Variants in ABCA9 observed in about 807,000 individuals in gnomAD.
ABCA9 encodes the protein ATP-binding cassette sub-family A member 9.
A neutral mutation model predicts 205.3 loss-of-function variants in ABCA9; 183 were observed. The observed-to-expected ratio is 0.89, with a 90% CI of 0.79 to 1.01. The LOEUF (loss-of-function observed/expected upper bound fraction) is 1.01, where lower values mean the gene tolerates loss of function less well. Ranked by LOEUF, ABCA9 falls within the 50% of genes least tolerant of loss-of-function variation. The probability of loss-of-function intolerance (pLI) is 0.00; values close to 1 mark genes in which losing one functional copy is unlikely to be tolerated. For missense variants in ABCA9, 1,805 were observed against 1,912.4 expected (o/e 0.94, Z 1.05); for synonymous variants, 651 against 683.3 (o/e 0.95, Z 0.74).
intron 5 of ABCA9, among the ~76,000 whole-genome samples, 196 bp downstream of exon 5, chr17:69,044,301 C>T (rs144057353): frequency 7.9e-5 from 12 of 152,236 alleles, no homozygotes; most frequent in African/African-American, 2.6e-4. Flanking sequence ...ATACCAGTAT[C>T]CCTGGAGAAA....
In ABCA9 at chr17:69,012,290, T is replaced by A. The variant is rs115131476; in HGVS notation, c.3040-207A>T. ...CTGAACACGTAGCCTGATTTACTTA[T>A]GAAGAAGCAAATTCAACCAAGTGAT... is the stretch of plus-strand genomic sequence containing the variant. On this transcript the variant is annotated intron_variant, in intron 22 of 38. Coordinates refer to ENST00000340001, the MANE Select transcript of ABCA9 (RefSeq NM_080283.4). 1.6e-3 allele frequency: 729 copies of A among 462,812 alleles called. 6 individuals carry two copies. The highest frequency in any genetic ancestry group is 0.014 in the African/African-American group (679 of 50,100). 28.7% of individuals were successfully genotyped at this position (462,812 alleles called of 1,614,324 possible).
In ABCA9 at chr17:69,043,442, G is replaced by T. The variant is rs752333647; in HGVS notation, c.800+47C>A. 57 of 1,446,606 alleles carry T rather than the reference G, an allele frequency of 3.9e-5. No homozygotes were observed. In the South Asian group the frequency reaches 6.9e-4, roughly 17 times the overall value. 89.6% of individuals were successfully genotyped at this position (1,446,606 alleles called of 1,614,324 possible). ...GTCTAAGGAGTCAACCAGCTAAGTT[G>T]TTCTGTTTGTTTATGCTGTATAATG... On this transcript the variant is annotated intron_variant, in intron 6 of 38. Transcript: ENST00000340001.
intron 35 of ABCA9, 97 bp downstream of exon 35, chr17:68,983,959 T>G: frequency 6.2e-7 from 1 of 1,601,356 alleles, no homozygotes; most frequent in Non-Finnish European, 8.5e-7. Context: ...GAAGCAACCA[T>G]GCTAGCTCCT....
chr17:69,035,443 G>A lies in ABCA9; in HGVS notation c.943-12C>T. 6.4e-7 allele frequency: 1 copy of A among 1,557,772 alleles called. No individual in the cohort carries two copies. Among genetic ancestry groups the A allele is most frequent in the Non-Finnish European group, 8.6e-7 (1 of 1,158,054 alleles). ...AAAGCTAAAGTTATCTGAGAAAAGA[G>A]AAAGACTTCAGCTGGTATATAATTC... is the stretch of plus-strand genomic sequence containing the variant. On this transcript the variant is annotated splice_polypyrimidine_tract_variant and intron_variant, in intron 7 of 38. Coordinates refer to ENST00000340001, the MANE Select transcript of ABCA9 (RefSeq NM_080283.4).
In ABCA9 at chr17:68,988,342, C is replaced by CT. The variant is rs1286512825; in HGVS notation, c.4047+684_4047+685insA. On this transcript the variant is annotated intron_variant, in intron 31 of 38. Coordinates refer to ENST00000340001, the MANE Select transcript of ABCA9 (RefSeq NM_080283.4). ...TTGTTTTGCAATTTAGATAATTATC[C>CT]ATTTTTTTTTCATTAAATCTGATTT... Among the ~76,000 whole-genome samples, 311 of 152,174 alleles carry CT rather than the reference C, an allele frequency of 2.0e-3. 2 individuals carry two copies. The highest frequency in any genetic ancestry group is 6.8e-3 in the African/African-American group (282 of 41,508).
the ABCA9 span, among the ~76,000 whole-genome samples, chr17:69,075,718 A>G: frequency 6.6e-6 from 1 of 152,116 alleles, no homozygotes; most frequent in South Asian, 2.1e-4. Flanking sequence ...TGTTTCGGCC[A>G]TTCAGGCTTT....
rs1332912946 is a variant in ABCA9, at chr17:68,975,937, A to C, written c.4853T>G (p.Leu1618Arg). The C allele has an allele frequency of 1.9e-6, 3 of 1,613,170 alleles. No individual in the cohort carries two copies. The Admixed American group carries it at 5.0e-5, about 27-fold the overall frequency. The change falls in exon 39 of 39, where the codon CTC (leucine) becomes CGC (arginine). Residue 1618 changes from leucine to arginine, a missense_variant. By Grantham distance (102) the Leu-to-Arg change is moderately radical. Transcript: ENST00000340001. ...EDFDPSVKWKLLLQEEP is the reference protein window; with the variant it reads ...EDFDPSVKWKRLLQEEP ...GCTTTAAGGCTCTTCCTGCAGGAGG[A>C]GTTTCCACTTCACCGAGGGATCAAA...
intron 25 of ABCA9, among the ~76,000 whole-genome samples, chr17:69,002,466 G>A (rs1456476685): frequency 1.6e-5 from 2 of 123,292 alleles, no homozygotes; most frequent in African/African-American, 5.9e-5. Context: ...TAGTTTGATT[G>A]CACTGTGGTC....
At chr17:69,033,902 A>C (rs752648769) in intron 8 of ABCA9, 29 bp from the exon 9 acceptor site, 2 of 1,522,200 alleles carry the variant, frequency 1.3e-6, no homozygotes. Context: ...GTGAATTTTA[A>C]AAGAATTAAT....
intron 3 of ABCA9, among the ~76,000 whole-genome samples, chr17:69,045,965 A>T (rs1198546679): frequency 6.6e-6 from 1 of 152,216 alleles, no homozygotes; most frequent in Non-Finnish European, 1.5e-5. Flanking sequence ...AATTTAACGC[A>T]CAATGAATTT....
At chr17:68,992,528 C>A (rs1402182611) in intron 27 of ABCA9, 2 of 259,990 alleles carry the variant, frequency 7.7e-6, no homozygotes, top group South Asian at 7.5e-5. Flanking sequence ...AGATAGGAGT[C>A]CAGGGCCAGG....
At chr17:69,061,726 T>C (rs569098064), upstream of ABCA9, among the ~76,000 whole-genome samples, 1 of 152,302 alleles carries the variant, frequency 6.6e-6, no homozygotes, top group South Asian at 2.1e-4. Flanking sequence ...CATTTTTAAC[T>C]GGTAATAGAT....
intron 30 of ABCA9, 87 bp from the exon 31 acceptor site, chr17:68,989,205 C>A: frequency 2.7e-6 from 2 of 751,200 alleles, no homozygotes; most frequent in Non-Finnish European, 4.6e-6. Flanking sequence ...GTGTCAAGTG[C>A]TATGTGAAAT....
the ABCA9 span, among the ~76,000 whole-genome samples, chr17:69,072,259 CTCT>C: frequency 2.6e-5 from 4 of 152,140 alleles, no homozygotes; most frequent in African/African-American, 9.7e-5. Context: ...CACAAAGATA[CTCT>C]TCGAGAAGAG....
At chr17:68,987,775 T>TTTTG (rs2069291750) in intron 31 of ABCA9, among the ~76,000 whole-genome samples, 1 of 142,666 alleles carries the variant, frequency 7.0e-6, no homozygotes, top group African/African-American at 2.6e-5. Context: ...TGTTTTTTTG[T>TTTTG]TTGAGATGGA....
chr17:69,029,936 C>T (rs1422912955), intron 10 of ABCA9, among the ~76,000 whole-genome samples: 9 of 152,092 alleles, frequency 5.9e-5, no homozygotes, highest in Admixed American at 5.9e-4. Flanking sequence ...CTAATGGGTA[C>T]TAGACTTAAT....
chr17:69,068,267 AGT>A, the ABCA9 span, among the ~76,000 whole-genome samples: 2 of 152,308 alleles, frequency 1.3e-5, no homozygotes, highest in Non-Finnish European at 2.9e-5. Context: ...CAAGTTTTCT[AGT>A]GTATTTAGCA....
intron 26 of ABCA9, 122 bp downstream of exon 26, chr17:68,995,768 ACTTTC>A: frequency 8.0e-7 from 1 of 1,256,432 alleles, no homozygotes; most frequent in Non-Finnish European, 1.1e-6. Flanking sequence ...AAGAGAACTG[ACTTTC>A]CAAAGACAGA....
At chr17:69,068,353 T>A in the ABCA9 span, among the ~76,000 whole-genome samples, 1 of 152,208 alleles carries the variant, frequency 6.6e-6, no homozygotes, top group Admixed American at 6.5e-5. Context: ...TACCACACAG[T>A]GGGATTTTGT....
Sources: gnomAD v4.1 joint callset for allele counts (sites outside exome capture counted in the v4.1 genomes callset) on GRCh38, gnomAD v4.1.1 for gene constraint, MANE v1.5 for transcripts, NCBI Gene and HGNC (gene_info 2026-07-23, HGNC 2026-07-21) for gene names.